Variants in CADM2 observed in about 807,000 individuals in gnomAD.
CADM2 encodes immunoglobulin superfamily member 4D.
CADM2 carries 12 observed loss-of-function variants against 49.8 expected under a neutral mutation model. The observed-to-expected ratio is 0.24, with a 90% CI of 0.15 to 0.39. The LOEUF (loss-of-function observed/expected upper bound fraction) is 0.39. Among genes scored for constraint, CADM2 ranks in the 10% least tolerant of loss-of-function variants. The pLI, the probability that CADM2 is intolerant of heterozygous loss-of-function variation, is 1.00. For missense variants in CADM2, 378 were observed against 492.3 expected (o/e 0.77, Z 2.20); for synonymous variants, 214 against 175.4 (o/e 1.22, Z -1.74).
intron 1 of CADM2, among the ~76,000 whole-genome samples, chr3:85,306,800 A>C (rs1231114634): frequency 1.3e-5 from 2 of 151,774 alleles, no homozygotes; most frequent in Admixed American, 1.3e-4. Context: ...CTTTACACAC[A>C]CAAGGTGTTT....
chr3:85,675,565 T>C (rs1199299962), intron 1 of CADM2, among the ~76,000 whole-genome samples: 1 of 152,172 alleles, frequency 6.6e-6, no homozygotes, highest in Non-Finnish European at 1.5e-5. Context: ...TGCACAAGCA[T>C]CTAACACCCC....
chr3:85,941,667 TA>T (rs1233425093), intron 7 of CADM2, among the ~76,000 whole-genome samples: 1 of 151,964 alleles, frequency 6.6e-6, no homozygotes, highest in Non-Finnish European at 1.5e-5. Flanking sequence ...CAGAAGGAAT[TA>T]AGATTGAGTT....
chr3:86,056,010 G>A (rs1178022439), intron 8 of CADM2, among the ~76,000 whole-genome samples: 3 of 152,098 alleles, frequency 2.0e-5, no homozygotes, highest in Admixed American at 1.3e-4. Flanking sequence ...ACTTTTCTCA[G>A]CAGCAAATGG....
At chr3:85,606,738 T>C (rs2063549512) in intron 1 of CADM2, among the ~76,000 whole-genome samples, 1 of 152,050 alleles carries the variant, frequency 6.6e-6, no homozygotes, top group Non-Finnish European at 1.5e-5. Flanking sequence ...AAGAACGGAA[T>C]GTGAAGAAAA....
At chr3:85,356,029 T>A (rs571924132) in intron 1 of CADM2, among the ~76,000 whole-genome samples, 1 of 152,204 alleles carries the variant, frequency 6.6e-6, no homozygotes, top group Admixed American at 6.6e-5. Flanking sequence ...GAATTAATAA[T>A]TCATTCAAAC....
At chr3:85,770,186 C>T (rs982351560) in intron 2 of CADM2, among the ~76,000 whole-genome samples, 3 of 151,994 alleles carry the variant, frequency 2.0e-5, no homozygotes, top group East Asian at 1.9e-4. Flanking sequence ...TTATAGTCAT[C>T]GATGTCATTT....
At chr3:85,897,423 C>G (rs1313400419) in intron 5 of CADM2, among the ~76,000 whole-genome samples, 1 of 149,240 alleles carries the variant, frequency 6.7e-6, no homozygotes, top group Non-Finnish European at 1.5e-5. Context: ...GCGCCCGCCA[C>G]CGCGCCCGGC....
At chr3:86,052,161 G>T (rs1277431671) in intron 8 of CADM2, among the ~76,000 whole-genome samples, 4 of 152,108 alleles carry the variant, frequency 2.6e-5, no homozygotes, top group Admixed American at 6.6e-5. Flanking sequence ...ATAACTACAT[G>T]AAGTTTTCAA....
intron 1 of CADM2, among the ~76,000 whole-genome samples, chr3:85,398,580 C>T (rs2034918005): frequency 6.6e-6 from 1 of 152,220 alleles, no homozygotes; most frequent in South Asian, 2.1e-4. Context: ...GGAATCACCA[C>T]ACTGTCTTCC....
intron 8 of CADM2, among the ~76,000 whole-genome samples, chr3:86,043,291 T>C (rs1173048625): frequency 1.3e-5 from 2 of 152,134 alleles, no homozygotes; most frequent in Non-Finnish European, 1.5e-5. Flanking sequence ...AGTCAAATTG[T>C]CCCTGTTTGC....
intron 1 of CADM2, among the ~76,000 whole-genome samples, chr3:84,976,244 T>C (rs924582267): frequency 4.0e-5 from 6 of 151,716 alleles, no homozygotes; most frequent in African/African-American, 1.4e-4. Context: ...CAGAAACCAT[T>C]CCGTGTTTGA....
chr3:85,140,334 C>G (rs959878421), intron 1 of CADM2, among the ~76,000 whole-genome samples: 1 of 151,862 alleles, frequency 6.6e-6, no homozygotes, highest in Non-Finnish European at 1.5e-5. Flanking sequence ...TAGGAAGTTT[C>G]GAAGGGTGGG....
chr3:85,007,822 G>A lies in CADM2; in HGVS notation c.61+48154G>A, dbSNP rs114666791. On this transcript the variant is annotated intron_variant, in intron 1 of 9. Transcript: ENST00000383699. ...TTTGGTAATTATTGAGTAGCCATTA[G>A]TGATGTTAATTTCGAGGGAGTGAGA... 6.7e-3 allele frequency among the ~76,000 whole-genome samples: 1,015 copies of A among 152,276 alleles called. 17 individuals are homozygous for A. Among genetic ancestry groups the A allele is most frequent in the African/African-American group, 0.023 (968 of 41,566 alleles).
chr3:85,852,640 G>A (rs2075153255), intron 3 of CADM2, among the ~76,000 whole-genome samples: 1 of 152,078 alleles, frequency 6.6e-6, no homozygotes, highest in Non-Finnish European at 1.5e-5. Flanking sequence ...TGAAGACACT[G>A]TAAATCTAGA....
At chr3:85,508,883 C>A (rs929293151) in intron 1 of CADM2, among the ~76,000 whole-genome samples, 2 of 151,332 alleles carry the variant, frequency 1.3e-5, no homozygotes, top group African/African-American at 4.9e-5. Flanking sequence ...TGTACACGCC[C>A]ATGTTTACCA....
At chr3:85,687,799 A>G (rs1322310043) in intron 1 of CADM2, among the ~76,000 whole-genome samples, 1 of 152,152 alleles carries the variant, frequency 6.6e-6, no homozygotes, top group Non-Finnish European at 1.5e-5. Context: ...GGGTCCCCAC[A>G]CTGCTTGCCA....
In CADM2 at chr3:85,630,647, GA is replaced by G. The variant is rs1020297710; in HGVS notation, c.62-95871del. 3.6e-4 allele frequency among the ~76,000 whole-genome samples: 55 copies of G among 152,020 alleles called. 2 individuals are homozygous for G. ...TTATACAGTCCCAAGATCATACTTT[GA>G]AAAGCTCTACATTAGGAGAAAATGT... On this transcript the variant is annotated intron_variant, in intron 1 of 9. Transcript: ENST00000383699.
intron 7 of CADM2, among the ~76,000 whole-genome samples, chr3:85,945,721 T>C (rs1021493664): frequency 6.6e-6 from 1 of 152,110 alleles, no homozygotes; most frequent in Non-Finnish European, 1.5e-5. Context: ...TTTGATAAAA[T>C]TCAACAGCCC....
rs538914058 is a variant in CADM2, at chr3:85,528,250, A to G, written c.62-198272A>G. 2.6e-5 allele frequency among the ~76,000 whole-genome samples: 4 copies of G among 152,248 alleles called. No homozygotes were observed. In the East Asian group the frequency reaches 7.7e-4, roughly 29 times the overall value. ...CATCAGTTTGCTGCTCTGCTTACCTATGTGGTTTTCTGAGGGAAAAATCCT... is the reference window on the plus strand; with the variant it reads ...CATCAGTTTGCTGCTCTGCTTACCTGTGTGGTTTTCTGAGGGAAAAATCCT... On this transcript the variant is annotated intron_variant, in intron 1 of 9. Transcript: ENST00000383699.
Sources: gnomAD v4.1 joint callset for allele counts (sites outside exome capture counted in the v4.1 genomes callset) on GRCh38, gnomAD v4.1.1 for gene constraint, MANE v1.5 for transcripts, NCBI Gene and HGNC (gene_info 2026-07-23, HGNC 2026-07-21) for gene names.